Variants in NKAIN2 observed in about 807,000 individuals in gnomAD.
NKAIN2 encodes sodium/potassium-transporting ATPase subunit beta-1-interacting protein 2.
A neutral mutation model predicts 32.6 loss-of-function variants in NKAIN2; 14 were observed. The observed-to-expected ratio is 0.43, with a 90% confidence interval of 0.28 to 0.67. The LOEUF is 0.67. Among genes scored for constraint, NKAIN2 ranks in the 30% least tolerant of loss-of-function variants. The pLI is 0.17. For synonymous variants in NKAIN2, 80 were observed against 87.2 expected, an observed-to-expected ratio of 0.92 and a Z score of 0.46; for missense variants, 198 against 258.3, an observed-to-expected ratio of 0.77 and a Z score of 1.60.
intron 1 of NKAIN2, among the ~76,000 whole-genome samples, chr6:123,958,577 T>C (rs1019943199): frequency 2.0e-5 from 3 of 152,258 alleles, no homozygotes; most frequent in South Asian, 2.1e-4. Context: ...TCTGGCCTCA[T>C]GGCCTTGTCA....
At chr6:124,406,762 GT>G (rs1562161966) in intron 3 of NKAIN2, among the ~76,000 whole-genome samples, 9 of 151,948 alleles carry the variant, frequency 5.9e-5, no homozygotes. Flanking sequence ...TTTTATTTGA[GT>G]TATTTCAATA....
intron 3 of NKAIN2, among the ~76,000 whole-genome samples, chr6:124,486,548 A>G (rs1777657663): frequency 6.6e-6 from 1 of 152,324 alleles, no homozygotes; most frequent in South Asian, 2.1e-4. Context: ...GCCAGGCAAT[A>G]CAATGATATG....
intron 1 of NKAIN2, among the ~76,000 whole-genome samples, chr6:123,866,407 A>C (rs1772514845): frequency 6.6e-6 from 1 of 152,078 alleles, no homozygotes; most frequent in African/African-American, 2.4e-5. Flanking sequence ...ACAAGCTAGG[A>C]TTTTCATTAG....
At chr6:124,654,448 A>T (rs1316105898) in intron 3 of NKAIN2, among the ~76,000 whole-genome samples, 2 of 152,174 alleles carry the variant, frequency 1.3e-5, no homozygotes, top group Non-Finnish European at 1.5e-5. Flanking sequence ...ATACCAAAAA[A>T]GTAAATAAAT....
chr6:124,290,209 T>G (rs1795737461), intron 2 of NKAIN2, among the ~76,000 whole-genome samples: 1 of 152,134 alleles, frequency 6.6e-6, no homozygotes, highest in African/African-American at 2.4e-5. Flanking sequence ...CTTTGTGCCC[T>G]CATTTTGGTG....
intron 1 of NKAIN2, among the ~76,000 whole-genome samples, chr6:124,120,463 G>A (rs556130516): frequency 1.2e-4 from 18 of 152,228 alleles, no homozygotes; most frequent in Admixed American, 1.2e-3. Flanking sequence ...ACTTAGCTAG[G>A]TTATTTTATT....
At chr6:124,190,547 C>G (rs1161737616) in intron 1 of NKAIN2, among the ~76,000 whole-genome samples, 1 of 152,132 alleles carries the variant, frequency 6.6e-6, no homozygotes, top group Non-Finnish European at 1.5e-5. Flanking sequence ...TTTACAGTGG[C>G]TCTATAATTG....
chr6:124,244,679 C>T (rs928977176), intron 1 of NKAIN2, among the ~76,000 whole-genome samples: 22 of 151,960 alleles, frequency 1.4e-4, no homozygotes, highest in African/African-American at 5.3e-4. Flanking sequence ...ACCATGTTGC[C>T]CCTCAAACAC....
chr6:123,809,982 A>G (rs995717775), intron 1 of NKAIN2, among the ~76,000 whole-genome samples: 6 of 152,280 alleles, frequency 3.9e-5, no homozygotes, highest in Non-Finnish European at 8.8e-5. Context: ...TACATTTTTA[A>G]ATAATTTGTT....
intron 4 of NKAIN2, 51 bp from the exon 5 acceptor site, chr6:124,791,288 C>A (rs1266050335): frequency 1.4e-6 from 2 of 1,405,226 alleles, no homozygotes; most frequent in Non-Finnish European, 2.0e-6. Flanking sequence ...CCAGTGAGGT[C>A]TGGTGTTGGT....
intron 1 of NKAIN2, among the ~76,000 whole-genome samples, chr6:123,907,654 T>G (rs1774952014): frequency 6.6e-6 from 1 of 152,166 alleles, no homozygotes; most frequent in Admixed American, 6.5e-5. Context: ...TCTAATAAAT[T>G]ATGATAGTTT....
intron 1 of NKAIN2, among the ~76,000 whole-genome samples, chr6:123,864,944 T>G (rs1775925685): frequency 6.6e-6 from 1 of 152,142 alleles, no homozygotes; most frequent in African/African-American, 2.4e-5. Context: ...TATCTGTGCT[T>G]TTGTTGAGGT....
intron 1 of NKAIN2, among the ~76,000 whole-genome samples, chr6:124,139,076 A>C (rs1419987231): frequency 1.3e-5 from 1 of 75,920 alleles, no homozygotes; most frequent in African/African-American, 5.1e-5. Flanking sequence ...TTTTTAAATA[A>C]AAATTTTTTT....
At chr6:123,916,871 A>G (rs534532271) in intron 1 of NKAIN2, among the ~76,000 whole-genome samples, 2 of 151,878 alleles carry the variant, frequency 1.3e-5, no homozygotes, top group East Asian at 3.9e-4. Flanking sequence ...TCATCTACCT[A>G]CCTACCTACC....
intron 1 of NKAIN2, among the ~76,000 whole-genome samples, chr6:124,114,698 A>T (rs1785530175): frequency 6.6e-6 from 1 of 152,130 alleles, no homozygotes; most frequent in South Asian, 2.1e-4. Flanking sequence ...AGGACAGAAG[A>T]AACGAGAGAA....
intron 1 of NKAIN2, among the ~76,000 whole-genome samples, chr6:124,164,094 T>C (rs1371841519): frequency 6.6e-6 from 1 of 152,120 alleles, no homozygotes; most frequent in Non-Finnish European, 1.5e-5. Flanking sequence ...AGAAGTCTTA[T>C]AAACTAAATA....
Position 124,711,965 on chromosome 6 carries a change from C to G in NKAIN2, c.474+53579C>G, listed in dbSNP as rs186639620. ...CTTTGTGGTTTTATCTACTTTTGGTCTTTGACGATGGTGATGTACAGATGG... is the reference window on the plus strand; with the variant it reads ...CTTTGTGGTTTTATCTACTTTTGGTGTTTGACGATGGTGATGTACAGATGG... On this transcript the variant is annotated intron_variant, in intron 4 of 6. Transcript: ENST00000368417. Among the ~76,000 whole-genome samples the G allele has an allele frequency of 2.2e-3, 329 of 152,130 alleles. 1 individual carries two copies. The highest frequency in any genetic ancestry group is 7.4e-3 in the African/African-American group (306 of 41,514).
chr6:124,178,036 G>GT lies in NKAIN2; in HGVS notation c.55-104969_55-104968insT, dbSNP rs1212026533. On this transcript the variant is annotated intron_variant, in intron 1 of 6. Coordinates refer to ENST00000368417, the MANE Select transcript of NKAIN2 (RefSeq NM_001040214.3). ...CTGACCTCGTGATCCGCCCGCCTCG[G>GT]CCTCCCAAAGTGCTGGGATTACAGG... Among the ~76,000 whole-genome samples the GT allele has an allele frequency of 8.4e-4, 2 of 2,390 alleles. 1 individual carries two copies. Among genetic ancestry groups the GT allele is most frequent in the Non-Finnish European group, 2.4e-3 (2 of 844 alleles). 1.6% of individuals were successfully genotyped at this position (2,390 alleles called of 152,430 possible).
At chr6:124,214,735 C>T (rs1024860553) in intron 1 of NKAIN2, among the ~76,000 whole-genome samples, 2 of 152,070 alleles carry the variant, frequency 1.3e-5, no homozygotes, top group Admixed American at 6.6e-5. Context: ...ACCTTGTACA[C>T]GTCTATTTCT....
Sources: allele counts gnomAD v4.1 joint callset (sites outside exome capture counted in the v4.1 genomes callset), GRCh38; gene constraint gnomAD v4.1.1; transcripts MANE v1.5; gene names NCBI Gene and HGNC (gene_info 2026-07-23, HGNC 2026-07-21).